The following SCN1A variants were observed in gnomAD, a reference collection of about 807,000 sequenced individuals.
SCN1A encodes sodium voltage-gated channel alpha subunit 1.
SCN1A carries 13 observed loss-of-function variants against 193.7 expected under a neutral mutation model. That is an observed-to-expected ratio of 0.07 (90% CI 0.04 to 0.11). The LOEUF is 0.11. Ranked by LOEUF, SCN1A falls within the 10% of genes least tolerant of loss-of-function variation. The pLI, the probability that SCN1A is intolerant of heterozygous loss-of-function variation, is 1.00. For synonymous variants in SCN1A, 781 were observed against 843.6 expected (o/e 0.93, Z 1.29); for missense variants, 1,432 against 2,451.1 (o/e 0.58, Z 8.78).
chr2:166,115,203 CA>C (rs1689716859), intron 2 of SCN1A, among the ~76,000 whole-genome samples: 1 of 151,822 alleles, frequency 6.6e-6, no homozygotes, highest in Non-Finnish European at 1.5e-5. Flanking sequence ...ACTAAAAATA[CA>C]AAAAATTAGC....
rs765383653 is a variant in SCN1A, at chr2:166,051,673, A to G, written c.964+46T>C. The G allele has an allele frequency of 8.3e-6, 12 of 1,446,012 alleles. No individual in the cohort carries two copies. In the Admixed American group the frequency reaches 2.0e-4, roughly 24 times the overall value. The allele number at this position is 1,446,012 out of a possible 1,614,324, so 89.6% of individuals were successfully genotyped here. A position where few individuals can be genotyped will look rare whatever the true frequency, so the allele number is the denominator to read the frequency against. ...GTATTTATCCTTTGTGTTACAAACA[A>G]TCCAATTCTACTTTTTAAGGAAATG... On this transcript the variant is annotated intron_variant, in intron 9 of 28. Coordinates refer to ENST00000674923, the MANE Select transcript of SCN1A (RefSeq NM_001165963.4).
At chr2:166,040,776 G>T (rs2105824852) in intron 16 of SCN1A, among the ~76,000 whole-genome samples, 1 of 152,288 alleles carries the variant, frequency 6.6e-6, no homozygotes, top group South Asian at 2.1e-4. Flanking sequence ...AGAATAGATG[G>T]ATAAACAATA....
intron 4 of SCN1A, among the ~76,000 whole-genome samples, chr2:166,070,381 G>A (rs1479140753): frequency 6.6e-6 from 1 of 152,180 alleles, no homozygotes; most frequent in African/African-American, 2.4e-5. Context: ...ACTCTTTCCT[G>A]ATAACAATAT....
chr2:166,106,776 A>T (rs1688742194), intron 2 of SCN1A, among the ~76,000 whole-genome samples: 3 of 152,138 alleles, frequency 2.0e-5, no homozygotes, highest in Admixed American at 2.0e-4. Context: ...ATTGCTAATG[A>T]TCGAAGTAAA....
chr2:166,040,522 T>C (rs1263900901), intron 16 of SCN1A, among the ~76,000 whole-genome samples: 1 of 152,160 alleles, frequency 6.6e-6, no homozygotes, highest in Non-Finnish European at 1.5e-5. Flanking sequence ...TTTTCTACCA[T>C]CAAAAATCCT....
intron 2 of SCN1A, among the ~76,000 whole-genome samples, chr2:166,106,011 A>C (rs907938614): frequency 6.6e-6 from 1 of 151,778 alleles, no homozygotes; most frequent in Non-Finnish European, 1.5e-5. Context: ...CACGGTGAAA[A>C]CCCGTCTCTA....
chr2:166,118,288 T>TTTAGC (rs1690110056), intron 2 of SCN1A, among the ~76,000 whole-genome samples: 2 of 146,250 alleles, frequency 1.4e-5, no homozygotes, highest in South Asian at 4.4e-4. Context: ...TGCTTACTGA[T>TTTAGC]TTCTATTTAG....
intron 1 of SCN1A, among the ~76,000 whole-genome samples, chr2:166,141,139 C>T (rs927600680): frequency 2.0e-5 from 3 of 152,000 alleles, no homozygotes; most frequent in African/African-American, 7.2e-5. Context: ...TGTTCCCATT[C>T]CCCTTTGCAG....
intron 1 of SCN1A, among the ~76,000 whole-genome samples, chr2:166,141,218 T>C (rs1006119658): frequency 9.2e-5 from 14 of 152,168 alleles, no homozygotes; most frequent in African/African-American, 3.1e-4. Context: ...ACATTTCTAA[T>C]GTCAATTGAC....
At chr2:166,039,274 C>T in intron 17 of SCN1A, 149 bp downstream of exon 17, 2 of 744,254 alleles carry the variant, frequency 2.7e-6, no homozygotes, top group Non-Finnish European at 4.4e-6. Context: ...AATTTTTTTC[C>T]ATGTAGGAAA....
rs766649617 is a variant in SCN1A, at chr2:165,996,294, A to C, written c.4477-177T>G. On this transcript the variant is annotated intron_variant, in intron 26 of 28. Transcript: ENST00000674923. ...TACTCTTTAGGTATGATAATATTTA[A>C]TTCCCTAAATAATTCAAAATTGACT... The C allele has an allele frequency of 6.6e-6, 3 of 456,258 alleles. No individual in the cohort carries two copies. In the Admixed American group the frequency reaches 1.1e-4, roughly 17 times the overall value. The allele number at this position is 456,258 out of a possible 1,614,324, so 28.3% of individuals were successfully genotyped here.
chr2:166,115,543 T>C (rs1011147188), intron 2 of SCN1A, among the ~76,000 whole-genome samples: 3 of 152,132 alleles, frequency 2.0e-5, no homozygotes, highest in African/African-American at 7.2e-5. Context: ...TCATAGTATA[T>C]ATGAGTTTAG....
chr2:166,012,315 C>G (rs1245168523), intron 21 of SCN1A, 33 bp from the exon 22 acceptor site: 2 of 1,521,904 alleles, frequency 1.3e-6, no homozygotes, highest in Non-Finnish European at 1.8e-6. Context: ...TATTAGCTTT[C>G]AAAAATAATT....
At chr2:166,104,843 G>C (rs536182195) in intron 2 of SCN1A, among the ~76,000 whole-genome samples, 5 of 152,332 alleles carry the variant, frequency 3.3e-5, no homozygotes, top group Admixed American at 6.5e-5. Context: ...TCTTAGAGCC[G>C]ATTTGGCTAC....
At chr2:166,036,005 T>C (rs2105792383) in intron 19 of SCN1A, 43 bp downstream of exon 19, 5 of 1,581,936 alleles carry the variant, frequency 3.2e-6, no homozygotes, top group Non-Finnish European at 3.5e-6. Flanking sequence ...TATATGTATA[T>C]ATGTATATGT....
chr2:166,076,299 T>C (rs1008736807), intron 3 of SCN1A, among the ~76,000 whole-genome samples: 1 of 151,944 alleles, frequency 6.6e-6, no homozygotes, highest in African/African-American at 2.4e-5. Flanking sequence ...TTCCCTCTTG[T>C]ATTTTTAGTA....
Position 165,991,175 on chromosome 2 carries a change from G to T in SCN1A, c.*70C>A, listed in dbSNP as rs1390904981. On this transcript the variant is annotated 3_prime_UTR_variant, in exon 29 of 29. Coordinates refer to ENST00000674923, the MANE Select transcript of SCN1A (RefSeq NM_001165963.4). ...GGCATTGACCTCCTAAAGGAGTCCT[G>T]TTGATAAAAATACATCACCTTCACA... is the stretch of plus-strand genomic sequence containing the variant. 2.8e-6 allele frequency: 4 copies of T among 1,408,858 alleles called. No homozygotes were observed. The African/African-American group carries it at 5.7e-5, about 20-fold the overall frequency. 87.3% of individuals were successfully genotyped at this position (1,408,858 alleles called of 1,614,324 possible). A position where few individuals can be genotyped will look rare whatever the true frequency, so the allele number is the denominator to read the frequency against.
intron 2 of SCN1A, among the ~76,000 whole-genome samples, chr2:166,105,959 G>A (rs1341308642): frequency 1.3e-5 from 2 of 152,146 alleles, no homozygotes; most frequent in African/African-American, 4.8e-5. Flanking sequence ...AGGCCGAGGC[G>A]GGTGGATCAC....
chr2:165,996,279 GT>G, intron 26 of SCN1A, 162 bp from the exon 27 acceptor site: 1 of 489,268 alleles, frequency 2.0e-6, no homozygotes, highest in East Asian at 3.6e-5. Context: ...TACTCTTTAG[GT>G]ATGATAATAT....
Sources: allele counts gnomAD v4.1 joint callset (sites outside exome capture counted in the v4.1 genomes callset), GRCh38; gene constraint gnomAD v4.1.1; transcripts MANE v1.5; gene names NCBI Gene and HGNC (gene_info 2026-07-23, HGNC 2026-07-21).